LDAH: variants seen among roughly 807,000 people sequenced by gnomAD.
LDAH encodes lipid droplet associated hydrolase, also known as lipid droplet-associated hydrolase.
Under a neutral mutation model 29.6 loss-of-function variants are expected in LDAH, and 26 were observed. That is an observed-to-expected ratio of 0.88 (90% CI 0.64 to 1.22). The LOEUF (loss-of-function observed/expected upper bound fraction) is 1.22, where lower values mean the gene tolerates loss of function less well. LDAH is among the 50% of genes most tolerant of loss of function. LDAH has a pLI of 0.00. For synonymous variants in LDAH, 117 were observed against 133.0 expected, an observed-to-expected ratio of 0.88 and a Z score of 0.83; for missense variants, 344 against 387.3, an observed-to-expected ratio of 0.89 and a Z score of 0.94.
At chr2:20,761,350 T>C (rs1199223934) in intron 4 of LDAH, among the ~76,000 whole-genome samples, 1 of 151,132 alleles carries the variant, frequency 6.6e-6, no homozygotes, top group East Asian at 1.9e-4. Flanking sequence ...CTTGCAAGGG[T>C]ACAAAGAAAA....
At chr2:20,769,754 G>A (rs975647954) in intron 4 of LDAH, among the ~76,000 whole-genome samples, 50 of 151,928 alleles carry the variant, frequency 3.3e-4, no homozygotes, top group Non-Finnish European at 1.5e-5. Context: ...CAAAAGAAGA[G>A]AAAAAAAGGC....
intron 3 of LDAH, among the ~76,000 whole-genome samples, chr2:20,777,564 G>A (rs1460155572): frequency 3.3e-5 from 5 of 151,906 alleles, no homozygotes; most frequent in Non-Finnish European, 5.9e-5. Context: ...GATTACAGGC[G>A]TGCACCACCA....
At chr2:20,817,287 C>T (rs1272159828) in intron 1 of LDAH, among the ~76,000 whole-genome samples, 6 of 151,852 alleles carry the variant, frequency 4.0e-5, no homozygotes, top group Admixed American at 3.9e-4. Flanking sequence ...ACCAGCAAAT[C>T]ATCACTGAAA....
At position 20,786,047 on chromosome 2, in the gene LDAH, G is replaced by GT. The variant is rs576974859; in HGVS notation, c.298+4207dup. Among the ~76,000 whole-genome samples the GT allele has an allele frequency of 3.9e-4, 59 of 152,246 alleles. No homozygotes were observed. The East Asian group carries it at 0.011, about 29-fold the overall frequency. On this transcript the variant is annotated intron_variant, in intron 3 of 6. Transcript: ENST00000237822. ...GATGCTTGCTTTGTCTCTTCAGACT[G>GT]TTTTTTCTTACCTTTTACAATGCCT... is the stretch of plus-strand genomic sequence containing the variant.
chr2:20,742,793 CTTTTT>C (rs71391767), intron 4 of LDAH, among the ~76,000 whole-genome samples: 2 of 114,400 alleles, frequency 1.7e-5, no homozygotes, highest in Non-Finnish European at 3.7e-5. Flanking sequence ...TTTCTTTTTC[CTTTTT>C]TTTTTTTTTT....
chr2:20,738,544 T>C (rs1666964907), intron 5 of LDAH, among the ~76,000 whole-genome samples: 1 of 152,048 alleles, frequency 6.6e-6, no homozygotes, highest in Admixed American at 6.5e-5. Context: ...AAGAACCCTC[T>C]CTTAGGGTCT....
intron 1 of LDAH, among the ~76,000 whole-genome samples, chr2:20,821,483 G>A (rs1267298439): frequency 3.3e-5 from 5 of 152,134 alleles, no homozygotes; most frequent in African/African-American, 4.8e-5. Context: ...GGATGAAGCT[G>A]GAAACCATCA....
At chr2:20,754,489 T>TA (rs1332837706) in intron 4 of LDAH, among the ~76,000 whole-genome samples, 1 of 92,736 alleles carries the variant, frequency 1.1e-5, no homozygotes, top group Non-Finnish European at 1.9e-5. Context: ...AGACTCCAAC[T>TA]ACCCTCGCCA....
In LDAH at chr2:20,686,038, T is replaced by C. The variant is rs529543998; in HGVS notation, c.*865A>G. 6.7e-4 allele frequency: 112 copies of C among 167,448 alleles called. No homozygotes were observed. The highest frequency in any genetic ancestry group is 1.1e-3 in the Admixed American group (18 of 16,004). 10.4% of individuals were successfully genotyped at this position (167,448 alleles called of 1,614,324 possible). ...AATGGCTAGCACACTATTTGGCTCA[T>C]TGATGGTCTTTAATGGAGTTTTAGT... On this transcript the variant is annotated 3_prime_UTR_variant, in exon 7 of 7. Transcript: ENST00000237822.
chr2:20,738,373 T>C (rs1166060569), intron 5 of LDAH, among the ~76,000 whole-genome samples: 4 of 151,758 alleles, frequency 2.6e-5, no homozygotes, highest in Non-Finnish European at 5.9e-5. Context: ...TCCCTATATA[T>C]ATAAGCATTG....
chr2:20,767,116 T>C (rs1312519529), intron 4 of LDAH, among the ~76,000 whole-genome samples: 1 of 152,146 alleles, frequency 6.6e-6, no homozygotes, highest in East Asian at 1.9e-4. Context: ...ATGGAGATGT[T>C]GCCCCTACCC....
At chr2:20,805,246 A>G (rs1273928888) in intron 1 of LDAH, among the ~76,000 whole-genome samples, 1 of 152,212 alleles carries the variant, frequency 6.6e-6, no homozygotes, top group Non-Finnish European at 1.5e-5. Flanking sequence ...AAAACAAAAA[A>G]GTACAACTCT....
intron 4 of LDAH, among the ~76,000 whole-genome samples, chr2:20,772,982 G>A (rs1363520784): frequency 6.6e-6 from 1 of 152,166 alleles, no homozygotes; most frequent in Non-Finnish European, 1.5e-5. Flanking sequence ...GCTAAGCTGT[G>A]GCCAGACTTC....
Position 20,755,943 on chromosome 2 carries a change from T to C in LDAH, c.469-15738A>G, listed in dbSNP as rs148906283. 1.8e-3 allele frequency among the ~76,000 whole-genome samples: 280 copies of C among 152,274 alleles called. 2 individuals carry two copies. The highest frequency in any genetic ancestry group is 2.6e-3 in the Non-Finnish European group (177 of 68,022). On this transcript the variant is annotated intron_variant, in intron 4 of 6. Coordinates refer to ENST00000237822, the MANE Select transcript of LDAH (RefSeq NM_021925.4). Reference sequence around the variant, plus strand: ...GAATACCACACCAAAAAAAGTTGGATACCTGTCCAAATTACCCTGTAGTAC... The same window carrying C: ...GAATACCACACCAAAAAAAGTTGGACACCTGTCCAAATTACCCTGTAGTAC...
chr2:20,733,677 T>TA (rs1235328757), intron 5 of LDAH, among the ~76,000 whole-genome samples: 2 of 152,074 alleles, frequency 1.3e-5, no homozygotes, highest in Admixed American at 6.6e-5. Context: ...GTGCTGGGAT[T>TA]ACATGCATGA....
chr2:20,777,178 T>C (rs187279819), intron 3 of LDAH, among the ~76,000 whole-genome samples: 2 of 152,304 alleles, frequency 1.3e-5, no homozygotes, highest in Admixed American at 6.5e-5. Context: ...ATGGGCTAAA[T>C]ATTCTAAAAT....
At chr2:20,820,487 C>T (rs1276557491) in intron 1 of LDAH, among the ~76,000 whole-genome samples, 3 of 152,308 alleles carry the variant, frequency 2.0e-5, no homozygotes, top group East Asian at 3.9e-4. Context: ...TGATCTTTGA[C>T]AAACCTGACA....
At chr2:20,744,190 G>A in intron 4 of LDAH, among the ~76,000 whole-genome samples, 1 of 146,750 alleles carries the variant, frequency 6.8e-6, no homozygotes, top group East Asian at 2.0e-4. Context: ...ATCCCTATCT[G>A]TCTGGGTCTG....
chr2:20,790,338 T>C lies in LDAH; in HGVS notation c.215A>G (p.Asn72Ser), dbSNP rs1572637642. 1 of 1,614,168 alleles carries C rather than the reference T, an allele frequency of 6.2e-7. No individual in the cohort carries two copies. The highest frequency in any genetic ancestry group is 8.5e-7 in the Non-Finnish European group (1 of 1,180,014). Residue 72 changes from asparagine to serine, a missense_variant, in exon 3 of 7, where the codon AAC (asparagine) becomes AGC (serine). Coordinates refer to ENST00000237822, the MANE Select transcript of LDAH (RefSeq NM_021925.4). Reference sequence around the variant, plus strand: ...GATAGTCCAAACTGGAAAGCGTCTGTTTGTCAAAGAGTATAAAGCCTTTGC... The same window carrying C: ...GATAGTCCAAACTGGAAAGCGTCTGCTTGTCAAAGAGTATAAAGCCTTTGC... ...PFAKALYSLT[N>S]RRFPVWTISH...
Sources: gnomAD v4.1 joint callset for allele counts (sites outside exome capture counted in the v4.1 genomes callset) on GRCh38, gnomAD v4.1.1 for gene constraint, MANE v1.5 for transcripts, NCBI Gene and HGNC (gene_info 2026-07-23, HGNC 2026-07-21) for gene names.